Variants in EPHA5 observed in about 807,000 individuals in gnomAD.
The protein encoded by EPHA5 is ephrin type-A receptor 5.
Under a neutral mutation model 105.0 loss-of-function variants are expected in EPHA5, and 60 were observed. That is an observed-to-expected ratio of 0.57 (90% CI 0.46 to 0.71). The LOEUF (loss-of-function observed/expected upper bound fraction) is 0.71, where lower values mean the gene tolerates loss of function less well. Among genes scored for constraint, EPHA5 ranks in the 30% least tolerant of loss-of-function variants. The pLI, the probability that EPHA5 is intolerant of heterozygous loss-of-function variation, is 0.00. For missense variants in EPHA5, 1,218 were observed against 1,274.7 expected, an observed-to-expected ratio of 0.96 and a Z score of 0.68; for synonymous variants, 513 against 449.1, an observed-to-expected ratio of 1.14 and a Z score of -1.80.
intron 3 of EPHA5, among the ~76,000 whole-genome samples, chr4:65,573,036 GA>G (rs998469925): frequency 2.0e-5 from 3 of 150,796 alleles, no homozygotes; most frequent in Admixed American, 6.6e-5. Flanking sequence ...GTCTCAAAAA[GA>G]AAAAAAAGAA....
intron 3 of EPHA5, among the ~76,000 whole-genome samples, chr4:65,598,468 T>A (rs1264067796): frequency 6.6e-6 from 1 of 152,226 alleles, no homozygotes; most frequent in Non-Finnish European, 1.5e-5. Context: ...CCTTCTCTTG[T>A]GCTTTTTGAC....
chr4:65,608,834 C>T (rs1237281721), intron 2 of EPHA5, among the ~76,000 whole-genome samples: 4 of 152,038 alleles, frequency 2.6e-5, no homozygotes, highest in Admixed American at 6.6e-5. Context: ...CTAATTAGGG[C>T]CTAATTAATG....
intron 2 of EPHA5, among the ~76,000 whole-genome samples, chr4:65,639,161 A>G (rs1479316325): frequency 2.0e-5 from 3 of 152,232 alleles, no homozygotes; most frequent in Admixed American, 2.0e-4. Context: ...CCCTATGGAA[A>G]TGAAGTAGAC....
intron 5 of EPHA5, among the ~76,000 whole-genome samples, chr4:65,489,074 T>G (rs922145403): frequency 2.6e-5 from 4 of 151,864 alleles, no homozygotes; most frequent in African/African-American, 9.7e-5. Context: ...ATTATTTTTA[T>G]TTTTAGTAGA....
At chr4:65,414,671 G>A (rs979652910) in intron 6 of EPHA5, among the ~76,000 whole-genome samples, 2 of 152,068 alleles carry the variant, frequency 1.3e-5, no homozygotes, top group Non-Finnish European at 1.5e-5. Context: ...CCACCCATCC[G>A]GAATACATGT....
At chr4:65,359,014 G>T (rs772382009) in intron 11 of EPHA5, among the ~76,000 whole-genome samples, 3 of 151,568 alleles carry the variant, frequency 2.0e-5, no homozygotes, top group Non-Finnish European at 4.4e-5. Flanking sequence ...AAGAGATGGA[G>T]AATCTAAAAA....
At chr4:65,360,671 G>T (rs551759234) in intron 11 of EPHA5, among the ~76,000 whole-genome samples, 1 of 151,586 alleles carries the variant, frequency 6.6e-6, no homozygotes, top group African/African-American at 2.4e-5. Flanking sequence ...TGCAAGATCT[G>T]ATTTTCAAAC....
intron 1 of EPHA5, among the ~76,000 whole-genome samples, chr4:65,669,192 C>G (rs1578743036): frequency 6.6e-6 from 1 of 151,982 alleles, no homozygotes; most frequent in Non-Finnish European, 1.5e-5. Flanking sequence ...CCTTCAAGCC[C>G]GAAATGTCAC....
intron 8 of EPHA5, among the ~76,000 whole-genome samples, chr4:65,402,607 C>A (rs750458063): frequency 6.3e-4 from 96 of 152,088 alleles, no homozygotes; most frequent in Non-Finnish European, 1.3e-3. Flanking sequence ...TTATTCATTT[C>A]TCCTAAGTGC....
At chr4:65,409,343 T>A (rs201627654) in intron 7 of EPHA5, among the ~76,000 whole-genome samples, 3 of 18,178 alleles carry the variant, frequency 1.7e-4, no homozygotes, top group African/African-American at 3.7e-4. Context: ...GGTATAATAA[T>A]AAAAAATAAA....
intron 5 of EPHA5, among the ~76,000 whole-genome samples, chr4:65,475,098 A>G (rs553877821): frequency 3.3e-5 from 5 of 152,196 alleles, no homozygotes; most frequent in Non-Finnish European, 7.4e-5. Flanking sequence ...ACTCAAAGGT[A>G]ATAGATTTGA....
chr4:65,340,148 A>G (rs1721574700), intron 14 of EPHA5, among the ~76,000 whole-genome samples: 2 of 152,278 alleles, frequency 1.3e-5, no homozygotes, highest in South Asian at 2.1e-4. Context: ...AATATTCTAA[A>G]AATATGCTAG....
At chr4:65,345,646 C>T (rs1447969372) in intron 14 of EPHA5, among the ~76,000 whole-genome samples, 2 of 152,238 alleles carry the variant, frequency 1.3e-5, no homozygotes, top group South Asian at 4.1e-4. Context: ...AAAAGGGCTT[C>T]ATCAAGGGTC....
intron 3 of EPHA5, among the ~76,000 whole-genome samples, chr4:65,563,658 T>C (rs528169533): frequency 8.5e-5 from 13 of 152,134 alleles, no homozygotes; most frequent in African/African-American, 3.1e-4. Context: ...CCACATATCC[T>C]GTTCTAAATC....
intron 5 of EPHA5, among the ~76,000 whole-genome samples, chr4:65,462,169 G>A (rs926840792): frequency 5.3e-5 from 8 of 151,996 alleles, no homozygotes; most frequent in Admixed American, 1.3e-4. Context: ...ATGTGGTCAC[G>A]GGACACTTCT....
chr4:65,654,335 G>A (rs1477908188), intron 1 of EPHA5, among the ~76,000 whole-genome samples: 2 of 151,090 alleles, frequency 1.3e-5, no homozygotes, highest in East Asian at 1.9e-4. Flanking sequence ...TATACACAAC[G>A]GACGAGAAAG....
chr4:65,656,812 A>G (rs1380579977), intron 1 of EPHA5, among the ~76,000 whole-genome samples: 1 of 151,140 alleles, frequency 6.6e-6, no homozygotes, highest in Non-Finnish European at 1.5e-5. Flanking sequence ...AATAGTCTCC[A>G]TAGCATTTAT....
At chr4:65,507,676 AT>A (rs1464020297) in intron 3 of EPHA5, among the ~76,000 whole-genome samples, 6 of 152,058 alleles carry the variant, frequency 3.9e-5, no homozygotes, top group African/African-American at 1.4e-4. Context: ...TTTGTCTGTT[AT>A]TCGTGTATAA....
At position 65,602,568 on chromosome 4, in the gene EPHA5, C is replaced by T. The variant is rs1253302506; in HGVS notation, c.247-264G>A. 4.6e-5 allele frequency among the ~76,000 whole-genome samples: 7 copies of T among 152,044 alleles called. No homozygotes were observed. In the South Asian group the frequency reaches 6.2e-4, roughly 14 times the overall value. ...TCCAAGACGAACACATATGAATATG[C>T]CCCAGGGCAGGAAGGAACCATGCAT... On this transcript the variant is annotated intron_variant, in intron 2 of 16. Coordinates refer to ENST00000613740, the MANE Select transcript of EPHA5 (RefSeq NM_001281766.3).
Sources: allele counts gnomAD v4.1 joint callset (sites outside exome capture counted in the v4.1 genomes callset), GRCh38; gene constraint gnomAD v4.1.1; transcripts MANE v1.5; gene names NCBI Gene and HGNC (gene_info 2026-07-23, HGNC 2026-07-21).